Variants in PALS2 observed in about 807,000 individuals in gnomAD.
The protein encoded by PALS2 is protein PALS2.
Under a neutral mutation model 61.6 loss-of-function variants are expected in PALS2, and 27 were observed. That is an observed-to-expected ratio of 0.44 (90% CI 0.32 to 0.60). The LOEUF is 0.60. PALS2 is among the 20% of genes least tolerant of loss of function. PALS2 has a pLI of 0.05. For missense variants in PALS2, 554 were observed against 639.4 expected (o/e 0.87, Z 1.44); for synonymous variants, 236 against 218.6 (o/e 1.08, Z -0.70).
chr7:24,607,110 G>A (rs1390286346), intron 1 of PALS2, among the ~76,000 whole-genome samples: 1 of 152,060 alleles, frequency 6.6e-6, no homozygotes, highest in Non-Finnish European at 1.5e-5. Flanking sequence ...ATAACCTTAT[G>A]AGTTGTATCA....
chr7:24,683,686 A>C (rs929371756), intron 11 of PALS2, among the ~76,000 whole-genome samples: 2 of 152,148 alleles, frequency 1.3e-5, no homozygotes, highest in African/African-American at 4.8e-5. Context: ...TTAAGACCAT[A>C]ATACTAACAG....
intron 9 of PALS2, among the ~76,000 whole-genome samples, chr7:24,677,094 C>T (rs1276746352): frequency 6.6e-6 from 1 of 151,578 alleles, no homozygotes; most frequent in South Asian, 2.1e-4. Flanking sequence ...TCCTTCACAT[C>T]CCTTGTAAGT....
intron 1 of PALS2, among the ~76,000 whole-genome samples, chr7:24,577,313 T>C (rs998738139): frequency 1.3e-5 from 2 of 151,478 alleles, no homozygotes; most frequent in African/African-American, 2.4e-5. Flanking sequence ...AGAGATACTT[T>C]CTGCTTAGGA....
chr7:24,614,312 T>TTGTTTG (rs544114341), intron 1 of PALS2, among the ~76,000 whole-genome samples: 45 of 152,040 alleles, frequency 3.0e-4, no homozygotes, highest in African/African-American at 1.1e-3. Flanking sequence ...TTAATGTGTG[T>TTGTTTG]TGTTTGTGTA....
At chr7:24,679,474 G>A in intron 10 of PALS2, 141 bp downstream of exon 10, 1 of 754,706 alleles carries the variant, frequency 1.3e-6, no homozygotes, top group Non-Finnish European at 2.1e-6. Context: ...GGGTGATAGA[G>A]AATGTTATTA....
At chr7:24,678,991 A>G (rs1562662684) in intron 9 of PALS2, 140 bp from the exon 10 acceptor site, 1 of 661,528 alleles carries the variant, frequency 1.5e-6, no homozygotes, top group Non-Finnish European at 2.6e-6. Context: ...ATTTACAAAA[A>G]TAAGAAGCAG....
chr7:24,643,767 G>A (rs1443668210), intron 3 of PALS2, among the ~76,000 whole-genome samples: 6 of 152,126 alleles, frequency 3.9e-5, no homozygotes, highest in African/African-American at 1.4e-4. Context: ...TGGTGTTGAT[G>A]TTATTTCTTC....
intron 1 of PALS2, among the ~76,000 whole-genome samples, chr7:24,605,196 C>T (rs922595323): frequency 6.6e-6 from 1 of 152,146 alleles, no homozygotes; most frequent in Non-Finnish European, 1.5e-5. Flanking sequence ...TTCATAGTCA[C>T]AACTTTGTTA....
chr7:24,574,559 G>A (rs1419353056), intron 1 of PALS2, among the ~76,000 whole-genome samples: 1 of 152,112 alleles, frequency 6.6e-6, no homozygotes, highest in East Asian at 1.9e-4. Context: ...GAGAATTGAA[G>A]ACTGCCGGGG....
intron 9 of PALS2, among the ~76,000 whole-genome samples, chr7:24,672,431 A>G (rs749913411): frequency 2.0e-5 from 3 of 151,760 alleles, no homozygotes; most frequent in Admixed American, 6.6e-5. Flanking sequence ...TGCTTTCACC[A>G]TGTTGGCCAG....
intron 1 of PALS2, among the ~76,000 whole-genome samples, chr7:24,622,606 A>C (rs903598180): frequency 2.0e-5 from 3 of 150,680 alleles, no homozygotes; most frequent in African/African-American, 4.9e-5. Context: ...CCATATACAG[A>C]ATCATATGAT....
intron 2 of PALS2, among the ~76,000 whole-genome samples, chr7:24,628,903 T>C (rs1291173361): frequency 1.3e-5 from 2 of 152,010 alleles, no homozygotes; most frequent in Non-Finnish European, 2.9e-5. Context: ...ATCATGAAAA[T>C]GGTGATACTG....
At position 24,688,906 on chromosome 7, in the gene PALS2, T is replaced by G. The variant is rs1467830474; in HGVS notation, c.*1292T>G. 1 of 152,104 alleles carries G rather than the reference T, an allele frequency of 6.6e-6. No individual in the cohort carries two copies. The highest frequency in any genetic ancestry group is 1.9e-4 in the East Asian group (1 of 5,188). The allele number at this position is 152,104 out of a possible 1,614,324, so 9.4% of individuals were successfully genotyped here. A position where few individuals can be genotyped will look rare whatever the true frequency, so the allele number is the denominator to read the frequency against. ...TCAGCCCGCTGCAACCTCTGCCTCC[T>G]GGGTTCATGCGACTCTCGTGCCTCA... On this transcript the variant is annotated 3_prime_UTR_variant, in exon 12 of 12. Transcript: ENST00000222644.
intron 2 of PALS2, among the ~76,000 whole-genome samples, chr7:24,638,687 G>T (rs1006639919): frequency 6.6e-6 from 1 of 152,092 alleles, no homozygotes; most frequent in African/African-American, 2.4e-5. Context: ...CTGTGAGGCT[G>T]ATATGAAAAA....
At chr7:24,678,332 A>G (rs2108298) in intron 9 of PALS2, among the ~76,000 whole-genome samples, 24,970 of 152,132 alleles carry the variant, frequency 0.16, 2,080 homozygotes, top group Non-Finnish European at 0.18. Context: ...GAGCTATTCA[A>G]TCTCATTTTC....
At chr7:24,580,282 G>T (rs1441737197) in intron 1 of PALS2, among the ~76,000 whole-genome samples, 1 of 152,114 alleles carries the variant, frequency 6.6e-6, no homozygotes. Context: ...GCTATCCTAC[G>T]CTAAAGGATT....
chr7:24,633,192 C>G (rs1785078469), intron 2 of PALS2, among the ~76,000 whole-genome samples: 1 of 151,908 alleles, frequency 6.6e-6, no homozygotes, highest in South Asian at 2.1e-4. Flanking sequence ...AAGTTTTGCA[C>G]TTACACCATT....
rs1216714653 is a variant in PALS2, at chr7:24,687,743, T to C, written c.*129T>C. ...AGTCCAGGCATTTTTATGGTGTAGA[T>C]TGAAATAATAGTACACTTCTGAATT... is the stretch of plus-strand genomic sequence containing the variant. On this transcript the variant is annotated 3_prime_UTR_variant, in exon 12 of 12. Transcript: ENST00000222644. This position sits in a 1 kb window ranked among gnomAD's most constrained non-coding sequence, Gnocchi z 4.5. 1.4e-5 allele frequency: 12 copies of C among 864,156 alleles called. No homozygotes were observed. In the East Asian group the frequency reaches 2.9e-4, roughly 21 times the overall value. 53.5% of individuals were successfully genotyped at this position (864,156 alleles called of 1,614,324 possible).
At chr7:24,612,740 C>T (rs144546394) in intron 1 of PALS2, among the ~76,000 whole-genome samples, 4 of 151,892 alleles carry the variant, frequency 2.6e-5, no homozygotes, top group African/African-American at 9.6e-5. Context: ...AATTTTTTCA[C>T]TGATTTCTTC....
Sources: gnomAD v4.1 joint callset for allele counts (sites outside exome capture counted in the v4.1 genomes callset) on GRCh38, gnomAD v4.1.1 for gene constraint, Gnocchi (gnomAD v3.1) non-coding constraint, MANE v1.5 for transcripts, NCBI Gene and HGNC (gene_info 2026-07-23, HGNC 2026-07-21) for gene names.